Variants in PHGR1 observed in about 807,000 individuals in gnomAD.
PHGR1 encodes the protein proline, histidine and glycine rich 1, also known as proline, histidine and glycine-rich protein 1.
In PHGR1, 3 loss-of-function variants were observed where a neutral mutation model predicts 4.9. The ratio of observed to expected loss-of-function variants is 0.61; its 90% CI spans 0.28 to 1.58. PHGR1 has a LOEUF of 1.58. Ranked by LOEUF, PHGR1 falls within the 40% of genes most tolerant of loss-of-function variation. PHGR1 has a pLI of 0.11. For synonymous variants in PHGR1, 32 were observed against 46.1 expected, an observed-to-expected ratio of 0.69 and a Z score of 1.24; for missense variants, 81 against 118.7, an observed-to-expected ratio of 0.68 and a Z score of 1.48.
In PHGR1 at chr15:40,353,282, T is replaced by C; in HGVS notation, c.10+15T>C. On this transcript the variant is annotated intron_variant, in intron 2 of 3. Transcript: ENST00000448599. The stretch of plus-strand genomic sequence containing the variant: ...GATGGACCCAGGTAAGCACTGTGGC[T>C]GAGAGGCTGGGAATTGGAAGAAGGG... 1 of 1,551,626 alleles carries C rather than the reference T, an allele frequency of 6.4e-7. No homozygotes were observed. Among genetic ancestry groups the C allele is most frequent in the South Asian group, 1.2e-5 (1 of 84,058 alleles).
intron 1 of PHGR1, among the ~76,000 whole-genome samples, chr15:40,351,926 G>A (rs916785581): frequency 6.6e-6 from 1 of 152,044 alleles, no homozygotes; most frequent in Non-Finnish European, 1.5e-5. Context: ...TAGTAGAGAC[G>A]GGGTTTCACC....
intron 1 of PHGR1, among the ~76,000 whole-genome samples, chr15:40,351,425 T>C (rs978364528): frequency 1.3e-5 from 2 of 152,168 alleles, no homozygotes; most frequent in Admixed American, 6.5e-5. Context: ...CTTTTCTCTT[T>C]CGTCTTACCC....
intron 2 of PHGR1, chr15:40,353,587 G>A (rs182430237): frequency 3.6e-4 from 122 of 335,830 alleles, no homozygotes; most frequent in Non-Finnish European, 5.5e-4. Context: ...AGCTGGGTCG[G>A]AATCCAGAAT....
chr15:40,356,367 T>A lies in PHGR1; in HGVS notation c.*64T>A, dbSNP rs1185598451. ...AGAGAATTGCCCAGCTGACCTGGAA[T>A]GAGGCCTAAACCACAATCTTCTCTT... is the stretch of plus-strand genomic sequence containing the variant. On this transcript the variant is annotated 3_prime_UTR_variant, in exon 4 of 4. Coordinates refer to ENST00000448599, the MANE Select transcript of PHGR1 (RefSeq NM_001145643.2). The A allele has an allele frequency of 1.9e-6, 3 of 1,549,208 alleles. No individual in the cohort carries two copies. In the African/African-American group the frequency reaches 4.1e-5, roughly 21 times the overall value.
intron 1 of PHGR1, among the ~76,000 whole-genome samples, chr15:40,351,936 C>T (rs186186859): frequency 7.6e-4 from 116 of 152,142 alleles, no homozygotes; most frequent in African/African-American, 2.7e-3. Context: ...GGGGTTTCAC[C>T]ATATTGGACA....
intron 3 of PHGR1, among the ~76,000 whole-genome samples, chr15:40,355,199 G>A (rs560175051): frequency 6.6e-6 from 1 of 152,008 alleles, no homozygotes; most frequent in South Asian, 2.1e-4. Context: ...AACTCCCCTG[G>A]CCTTGGGACT....
At chr15:40,353,334 G>T in intron 2 of PHGR1, 67 bp downstream of exon 2, 4 of 1,546,832 alleles carry the variant, frequency 2.6e-6, no homozygotes, top group Non-Finnish European at 3.5e-6. Context: ...GTAAAGGCAG[G>T]GACTATCAGT....
At chr15:40,351,648 A>C (rs955734388) in intron 1 of PHGR1, among the ~76,000 whole-genome samples, 3 of 152,140 alleles carry the variant, frequency 2.0e-5, no homozygotes, top group African/African-American at 7.2e-5. Flanking sequence ...GGCCGGGTGC[A>C]GTGGCTCATG....
Position 40,356,206 on chromosome 15 carries a change from C to A in PHGR1, c.152C>A (p.Pro51Gln), listed in dbSNP as rs753143748. ...TGCGGGCCACCCCCTGGCCATGGCC[C>A]AGGGCCCTGCGGGCCACCCCCCCAC... The part of the protein sequence containing the change: ...GPCGPPPGHG[P>Q]GPCGPPPHHG... The change falls in exon 4 of 4, where the codon CCA becomes CAA. Residue 51 changes from proline to glutamine, a missense_variant. By Grantham distance (76) the Pro-to-Gln change is moderately conservative. Transcript: ENST00000448599. 1.3e-6 allele frequency: 2 copies of A among 1,508,080 alleles called. No individual in the cohort carries two copies. The highest frequency in any genetic ancestry group is 2.4e-5 in the South Asian group (2 of 81,996). The allele number at this position is 1,508,080 out of a possible 1,614,324, so 93.4% of individuals were successfully genotyped here.
chr15:40,356,217 G>T lies in PHGR1; in HGVS notation c.163G>T (p.Gly55Trp), dbSNP rs991516436. The T allele has an allele frequency of 4.0e-6, 6 of 1,505,916 alleles. No homozygotes were observed. The highest frequency in any genetic ancestry group is 5.3e-6 in the Non-Finnish European group (6 of 1,123,744). The allele number at this position is 1,505,916 out of a possible 1,614,324, so 93.3% of individuals were successfully genotyped here. ...CCCTGGCCATGGCCCAGGGCCCTGC[G>T]GGCCACCCCCCCACCATGGTCCAGG... ...PPPGHGPGPC[G>W]PPPHHGPGPC... The change falls in exon 4 of 4, where the codon GGG (glycine) becomes TGG (tryptophan). Residue 55 changes from glycine to tryptophan, a missense_variant. Coordinates refer to ENST00000448599, the MANE Select transcript of PHGR1 (RefSeq NM_001145643.2).
At chr15:40,354,084 C>T (rs1321778958) in intron 2 of PHGR1, among the ~76,000 whole-genome samples, 2 of 152,104 alleles carry the variant, frequency 1.3e-5, no homozygotes, top group Non-Finnish European at 2.9e-5. Context: ...TCCTAACTGG[C>T]GCCACTCCAC....
chr15:40,354,537 C>G lies in PHGR1; in HGVS notation c.18+185C>G, dbSNP rs145041618. Among the ~76,000 whole-genome samples the G allele has an allele frequency of 2.6e-4, 39 of 151,996 alleles. 1 individual carries two copies. The East Asian group carries it at 7.2e-3, about 28-fold the overall frequency. On this transcript the variant is annotated intron_variant, in intron 3 of 3. Transcript: ENST00000448599. Reference sequence around the variant, plus strand: ...TGGGCAGCGCTGCACTCCTCCACCCCCTGCTGGCTGCAGCCTTCTTGGCGT... The same window carrying G: ...TGGGCAGCGCTGCACTCCTCCACCCGCTGCTGGCTGCAGCCTTCTTGGCGT...
rs1158162668 is a variant in PHGR1, at chr15:40,356,350, G to C, written c.*47G>C. 7.7e-6 allele frequency: 12 copies of C among 1,549,508 alleles called. No individual in the cohort carries two copies. In the Admixed American group the frequency reaches 2.2e-4, roughly 28 times the overall value. ...ACAAGATGGCAAGCCTGAGAGAATT[G>C]CCCAGCTGACCTGGAATGAGGCCTA... On this transcript the variant is annotated 3_prime_UTR_variant, in exon 4 of 4. Coordinates refer to ENST00000448599, the MANE Select transcript of PHGR1 (RefSeq NM_001145643.2).
chr15:40,354,462 GA>G, intron 3 of PHGR1, 110 bp downstream of exon 3: 1 of 1,327,894 alleles, frequency 7.5e-7, no homozygotes, highest in Non-Finnish European at 1.0e-6. Context: ...TCCCCCAAAT[GA>G]AAAGAAGGGA....
rs1228204775 is a variant in PHGR1 at position 40,356,118 on chromosome 15, G to A, written c.64G>A (p.Gly22Arg). The A allele has an allele frequency of 1.2e-5, 18 of 1,549,460 alleles. No homozygotes were observed. The highest frequency in any genetic ancestry group is 6.9e-5 in the African/African-American group (5 of 72,904). ...GGHGHPPGHCGPPPGHGPGPC... is the reference protein window; with the variant it reads ...GGHGHPPGHCRPPPGHGPGPC... ...GCATGGCCATCCTCCAGGTCACTGC[G>A]GGCCACCCCCTGGCCATGGCCCAGG... Residue 22 changes from glycine (G) to arginine (R), a missense_variant, in exon 4 of 4, where the codon GGG (glycine) becomes AGG (arginine). Coordinates refer to ENST00000448599, the MANE Select transcript of PHGR1 (RefSeq NM_001145643.2).
intron 1 of PHGR1, 88 bp from the exon 2 acceptor site, chr15:40,353,144 T>C (rs61508200): frequency 0.089 from 80,058 of 897,524 alleles, 4,788 homozygotes; most frequent in South Asian, 0.28. Flanking sequence ...TGTGTGTGTG[T>C]GTGCGCGCGC....
At position 40,353,408 on chromosome 15, in the gene PHGR1, G is replaced by A. The variant is rs1215532898; in HGVS notation, c.10+141G>A. ...TGTGTTTGTATGAAGGCAGTGGTAG[G>A]GGTCCACAATGAAGACAAGCCCTTA... On this transcript the variant is annotated intron_variant, in intron 2 of 3. Coordinates refer to ENST00000448599, the MANE Select transcript of PHGR1 (RefSeq NM_001145643.2). The A allele has an allele frequency of 2.8e-6, 3 of 1,070,532 alleles. No homozygotes were observed. In the African/African-American group the frequency reaches 4.8e-5, roughly 17 times the overall value. The allele number at this position is 1,070,532 out of a possible 1,614,324, so 66.3% of individuals were successfully genotyped here.
chr15:40,354,963 G>A (rs1025689243), intron 3 of PHGR1, among the ~76,000 whole-genome samples: 8 of 152,052 alleles, frequency 5.3e-5, no homozygotes, highest in South Asian at 2.1e-4. Flanking sequence ...ACAGGAAAGC[G>A]CCCAGCCCTG....
intron 1 of PHGR1, 94 bp from the exon 2 acceptor site, chr15:40,353,133 GTGTGT>G: frequency 1.1e-6 from 1 of 907,680 alleles, no homozygotes; most frequent in Non-Finnish European, 1.7e-6. Context: ...GTGTGTGTGT[GTGTGT>G]GTGTGTGTGC....
Sources: gnomAD v4.1 joint callset for allele counts (sites outside exome capture counted in the v4.1 genomes callset) on GRCh38, gnomAD v4.1.1 for gene constraint, MANE v1.5 for transcripts, NCBI Gene and HGNC (gene_info 2026-07-23, HGNC 2026-07-21) for gene names.